PRDM16: variants seen among roughly 807,000 people sequenced by gnomAD.
The protein encoded by PRDM16 is histone-lysine N-methyltransferase PRDM16.
Under a neutral mutation model 110.6 loss-of-function variants are expected in PRDM16, and 23 were observed. The ratio of observed to expected loss-of-function variants is 0.21; its 90% CI spans 0.15 to 0.29. PRDM16 has a LOEUF of 0.29. Among genes scored for constraint, PRDM16 ranks in the 10% least tolerant of loss-of-function variants. The probability of loss-of-function intolerance (pLI) is 1.00; values close to 1 mark genes in which losing one functional copy is unlikely to be tolerated. For missense variants in PRDM16, 1,615 were observed against 1,794.3 expected, an observed-to-expected ratio of 0.90 and a Z score of 1.81; for synonymous variants, 799 against 781.8, an observed-to-expected ratio of 1.02 and a Z score of -0.37.
chr1:3,415,730 C>T (rs1184404512), intron 10 of PRDM16, among the ~76,000 whole-genome samples: 1 of 152,216 alleles, frequency 6.6e-6, no homozygotes, highest in Non-Finnish European at 1.5e-5. Flanking sequence ...CCCTCCTGCC[C>T]GCTGCCCCCA....
intron 3 of PRDM16, among the ~76,000 whole-genome samples, chr1:3,315,244 A>AGC (rs939748728): frequency 4.1e-5 from 6 of 146,430 alleles, no homozygotes; most frequent in African/African-American, 1.5e-4. Context: ...GAACGTCTAC[A>AGC]GCGCAACTCC....
chr1:3,301,120 C>T (rs1038763636), intron 3 of PRDM16, among the ~76,000 whole-genome samples: 1 of 151,996 alleles, frequency 6.6e-6, no homozygotes, highest in Non-Finnish European at 1.5e-5. Flanking sequence ...TGCTTGAGTC[C>T]AGGAGTTTGA....
chr1:3,254,102 A>G (rs1639998244), intron 3 of PRDM16, among the ~76,000 whole-genome samples: 1 of 152,096 alleles, frequency 6.6e-6, no homozygotes, highest in Non-Finnish European at 1.5e-5. Context: ...GATTTTGGAT[A>G]TTAGCCCTTT....
chr1:3,346,944 C>A (rs1485874283), intron 3 of PRDM16, among the ~76,000 whole-genome samples: 1 of 152,236 alleles, frequency 6.6e-6, no homozygotes, highest in Non-Finnish European at 1.5e-5. Context: ...GGACTCCAGG[C>A]AGGCCCTGGG....
rs1368045364 is a variant in PRDM16, at chr1:3,206,850, A to T, written c.387+20376A>T. On this transcript the variant is annotated intron_variant, in intron 2 of 16. Transcript: ENST00000270722. The surrounding 1 kb of genome is among the most constrained non-coding windows in gnomAD (Gnocchi z 4.9). ...TTTCTGCAGAGGGAGACACAGCCTG[A>T]CACCTGGGACCTGTGCAGCTGGGTG... is the stretch of plus-strand genomic sequence containing the variant. 1 of 152,076 alleles carries T rather than the reference A, an allele frequency of 6.6e-6. No homozygotes were observed. The highest frequency in any genetic ancestry group is 1.5e-5 in the Non-Finnish European group (1 of 68,054). The allele number at this position is 152,076 out of a possible 1,614,324, so 9.4% of individuals were successfully genotyped here.
At position 3,426,154 on chromosome 1, in the gene PRDM16, T is replaced by C; in HGVS notation, c.3213T>C (p.Ser1071=). The change falls in exon 14 of 17, where the codon TCT becomes TCC. Residue 1071 remains serine, a synonymous_variant. Coordinates refer to ENST00000270722, the MANE Select transcript of PRDM16 (RefSeq NM_022114.4). ...CACTTTTAGACGAGAAAGAAGACTC[T>C]TATTTCTCGGAAATCAGAAACTTTA... ...NHALLDEKED[S]YFSEIRNFIA... 1 of 1,613,970 alleles carries C rather than the reference T, an allele frequency of 6.2e-7. No homozygotes were observed. Among genetic ancestry groups the C allele is most frequent in the Non-Finnish European group, 8.5e-7 (1 of 1,179,950 alleles).
chr1:3,073,841 C>CG (rs1220447170), intron 1 of PRDM16, among the ~76,000 whole-genome samples: 5 of 152,222 alleles, frequency 3.3e-5, no homozygotes, highest in Middle Eastern at 3.4e-3. Flanking sequence ...GCTTGGACCC[C>CG]GGGGTCCCCT....
At chr1:3,426,469 A>G (rs773939234) in intron 14 of PRDM16, among the ~76,000 whole-genome samples, 1 of 152,068 alleles carries the variant, frequency 6.6e-6, no homozygotes, top group Admixed American at 6.5e-5. Flanking sequence ...TTATGACCTC[A>G]CTGTTAACAT....
intron 9 of PRDM16, 109 bp downstream of exon 9, chr1:3,412,909 C>A: frequency 1.1e-6 from 1 of 931,350 alleles, no homozygotes; most frequent in East Asian, 3.1e-5. Context: ...AGGTCGTCCC[C>A]CGGCCTTTGC....
chr1:3,414,689 G>A (rs985627739), intron 10 of PRDM16, 42 bp downstream of exon 10: 4 of 1,492,410 alleles, frequency 2.7e-6, no homozygotes, highest in African/African-American at 1.4e-5. Flanking sequence ...TAACCCACAC[G>A]CCAGTGGCCC....
chr1:3,198,444 C>T (rs1638536295), intron 2 of PRDM16, among the ~76,000 whole-genome samples: 1 of 152,246 alleles, frequency 6.6e-6, no homozygotes, highest in Non-Finnish European at 1.5e-5. Context: ...TGCCAGGATG[C>T]CGTGAGTGTG....
chr1:3,432,232 C>T (rs899834944), intron 16 of PRDM16, 92 bp downstream of exon 16: 10 of 1,181,806 alleles, frequency 8.5e-6, no homozygotes, highest in Non-Finnish European at 1.2e-5. Flanking sequence ...CCCTCCTAGG[C>T]CTGAGGAAGC....
rs554196961 is a variant in PRDM16 at position 3,385,461 on chromosome 1, G to A, written c.573+175G>A. Among the ~76,000 whole-genome samples the A allele has an allele frequency of 5.9e-5, 9 of 152,298 alleles. No individual in the cohort carries two copies. The East Asian group carries it at 1.6e-3, about 26-fold the overall frequency. On this transcript the variant is annotated intron_variant, in intron 4 of 16. Transcript: ENST00000270722. ...GGTGCTTGGCCAGCACTGGCTTCCG[G>A]GGAGCTGACTCACCCCGGGAGGGCT...
chr1:3,261,527 G>A (rs2100253089), intron 3 of PRDM16, among the ~76,000 whole-genome samples: 1 of 152,244 alleles, frequency 6.6e-6, no homozygotes, highest in East Asian at 1.9e-4. Flanking sequence ...TTACACAGTG[G>A]CGAGAGTCCC....
At chr1:3,274,011 G>C (rs1640527334) in intron 3 of PRDM16, among the ~76,000 whole-genome samples, 1 of 147,344 alleles carries the variant, frequency 6.8e-6, no homozygotes, top group African/African-American at 2.5e-5. Context: ...CCACTGAAAG[G>C]GAACCAGCCG....
At chr1:3,207,229 G>A (rs1638774357) in intron 2 of PRDM16, 1 of 152,182 alleles carries the variant, frequency 6.6e-6, no homozygotes, top group African/African-American at 2.4e-5. Context: ...TAAATTCGCA[G>A]CTACAAAACC....
At chr1:3,414,976 G>A (rs1643755377) in intron 10 of PRDM16, among the ~76,000 whole-genome samples, 1 of 152,224 alleles carries the variant, frequency 6.6e-6, no homozygotes, top group African/African-American at 2.4e-5. Flanking sequence ...TGAGTGAGGG[G>A]AGCAGCCTCA....
intron 1 of PRDM16, among the ~76,000 whole-genome samples, chr1:3,122,613 G>A (rs1643118330): frequency 6.6e-6 from 1 of 152,078 alleles, no homozygotes; most frequent in African/African-American, 2.4e-5. Flanking sequence ...TTATACGAGT[G>A]GAAAAAATGA....
rs1156884136 is a variant in PRDM16 at position 3,245,751 on chromosome 1, T to C, written c.438+1614T>C. ...TGAGTTCACATTTTCTTAAAGGACA[T>C]AGAGGAGCAGGAAACAGTTAGCAGC... On this transcript the variant is annotated intron_variant, in intron 3 of 16. Transcript: ENST00000270722. This position sits in a 1 kb window ranked among gnomAD's most constrained non-coding sequence, Gnocchi z 4.7. Among the ~76,000 whole-genome samples, 1 of 152,152 alleles carries C rather than the reference T, an allele frequency of 6.6e-6. No homozygotes were observed. The highest frequency in any genetic ancestry group is 1.5e-5 in the Non-Finnish European group (1 of 68,040).
Sources: gnomAD v4.1 joint callset for allele counts (sites outside exome capture counted in the v4.1 genomes callset) on GRCh38, gnomAD v4.1.1 for gene constraint, Gnocchi (gnomAD v3.1) non-coding constraint, MANE v1.5 for transcripts, NCBI Gene and HGNC (gene_info 2026-07-23, HGNC 2026-07-21) for gene names.